Variants in TAF5L observed in about 807,000 individuals in gnomAD.
TAF5L encodes TATA-box binding protein associated factor 5 like, also known as TAF5-like RNA polymerase II p300/CBP-associated factor-associated factor 65 kDa subunit 5L.
Under a neutral mutation model 51.3 loss-of-function variants are expected in TAF5L, and 7 were observed. The ratio of observed to expected loss-of-function variants is 0.14; its 90% CI spans 0.08 to 0.26. The LOEUF (loss-of-function observed/expected upper bound fraction) is 0.26. TAF5L is among the 10% of genes least tolerant of loss of function. The pLI is 1.00. For synonymous variants in TAF5L, 291 were observed against 308.1 expected, an observed-to-expected ratio of 0.94 and a Z score of 0.58; for missense variants, 575 against 758.9, an observed-to-expected ratio of 0.76 and a Z score of 2.85.
At chr1:229,607,498 C>G (rs1323705251) in intron 3 of TAF5L, 1 of 983,152 alleles carries the variant, frequency 1.0e-6, no homozygotes, top group Non-Finnish European at 1.2e-6. Flanking sequence ...CCAAATTACT[C>G]CTCTTCCTCC....
Position 229,593,978 on chromosome 1 carries a change from C to A in TAF5L, c.*319G>T, listed in dbSNP as rs1372701916. The A allele has an allele frequency of 3.0e-5, 8 of 271,096 alleles. No individual in the cohort carries two copies. In the Admixed American group the frequency reaches 4.0e-4, roughly 14 times the overall value. 16.8% of individuals were successfully genotyped at this position (271,096 alleles called of 1,614,324 possible). A position where few individuals can be genotyped will look rare whatever the true frequency, so the allele number is the denominator to read the frequency against. Reference sequence around the variant, plus strand: ...GCCGCCCTCTAACCAAACCTAGCCCCAGTCAGATGGTGAAAATGAGAGACA... The same window carrying A: ...GCCGCCCTCTAACCAAACCTAGCCCAAGTCAGATGGTGAAAATGAGAGACA... On this transcript the variant is annotated 3_prime_UTR_variant, in exon 5 of 5. Coordinates refer to ENST00000258281, the Ensembl canonical transcript of TAF5L.
chr1:229,615,068 C>A (rs942989493), intron 1 of TAF5L, among the ~76,000 whole-genome samples: 10 of 152,154 alleles, frequency 6.6e-5, no homozygotes, highest in African/African-American at 2.4e-4. Context: ...AATGTGTTTT[C>A]ATTTTATTTT....
At chr1:229,616,796 ATG>A (rs1665019094) in intron 1 of TAF5L, among the ~76,000 whole-genome samples, 1 of 152,220 alleles carries the variant, frequency 6.6e-6, no homozygotes, top group Admixed American at 6.5e-5. Flanking sequence ...TAAATATAAA[ATG>A]TTAGGACATT....
At chr1:229,624,237 A>G (rs553596009) in intron 1 of TAF5L, among the ~76,000 whole-genome samples, 42 of 152,366 alleles carry the variant, frequency 2.8e-4, no homozygotes, top group African/African-American at 9.9e-4. Context: ...TAAGCCTCAC[A>G]TTTACAGGCA....
In TAF5L at chr1:229,596,597, C is replaced by T. The variant is rs545956310; in HGVS notation, c.973-1503G>A. Among the ~76,000 whole-genome samples, 5 of 152,282 alleles carry T rather than the reference C, an allele frequency of 3.3e-5. No homozygotes were observed. In the East Asian group the frequency reaches 9.6e-4, roughly 29 times the overall value. Reference sequence around the variant, plus strand: ...CTTCGAAATAATTTCCTGTGTGTGACGACAGAAAAGACGGCAACTAATGGT... The same window carrying T: ...CTTCGAAATAATTTCCTGTGTGTGATGACAGAAAAGACGGCAACTAATGGT... On this transcript the variant is annotated intron_variant, in intron 4 of 4. Transcript: ENST00000258281.
At chr1:229,611,099 T>C (rs1664769769) in intron 2 of TAF5L, among the ~76,000 whole-genome samples, 2 of 152,038 alleles carry the variant, frequency 1.3e-5, no homozygotes, top group African/African-American at 2.4e-5. Flanking sequence ...TGTCTTTTCG[T>C]CTTTCTTCTT....
chr1:229,606,816 TC>T, intron 3 of TAF5L: 1 of 985,400 alleles, frequency 1.0e-6, no homozygotes, highest in Non-Finnish European at 1.2e-6. Context: ...CCACTACACC[TC>T]CTGAAGAATA....
At chr1:229,617,129 G>C (rs1665033204) in intron 1 of TAF5L, among the ~76,000 whole-genome samples, 1 of 152,138 alleles carries the variant, frequency 6.6e-6, no homozygotes, top group East Asian at 1.9e-4. Context: ...TACTCTGAGA[G>C]TGGGGTCCCT....
intron 2 of TAF5L, among the ~76,000 whole-genome samples, chr1:229,613,653 G>T (rs1338462485): frequency 2.0e-5 from 3 of 152,202 alleles, no homozygotes; most frequent in Non-Finnish European, 4.4e-5. Context: ...GTCTGTAGAT[G>T]TAACCTGCTA....
intron 1 of TAF5L, among the ~76,000 whole-genome samples, chr1:229,617,882 C>A (rs1250322675): frequency 6.6e-6 from 1 of 152,122 alleles, no homozygotes; most frequent in African/African-American, 2.4e-5. Flanking sequence ...ATGATAAGGG[C>A]GCTTCCCTGA....
intron 1 of TAF5L, among the ~76,000 whole-genome samples, chr1:229,620,485 C>A (rs1665163082): frequency 6.6e-6 from 1 of 152,196 alleles, no homozygotes; most frequent in African/African-American, 2.4e-5. Flanking sequence ...GCCTAAATCA[C>A]CCCAACCCTC....
intron 1 of TAF5L, among the ~76,000 whole-genome samples, chr1:229,620,958 G>GTC (rs1665179586): frequency 1.8e-5 from 1 of 56,858 alleles, no homozygotes. Context: ...AAACATTTAT[G>GTC]TGTGTGTGTG....
chr1:229,599,672 A>T (rs1044542662), intron 4 of TAF5L: 2 of 270,644 alleles, frequency 7.4e-6, no homozygotes, highest in Non-Finnish European at 1.1e-5. Flanking sequence ...CATTTTATTT[A>T]TTCATTCATC....
At chr1:229,601,410 G>A (rs1216055644) in intron 4 of TAF5L, 2 of 985,230 alleles carry the variant, frequency 2.0e-6, no homozygotes, top group African/African-American at 3.5e-5. Context: ...AGCTTTTTCA[G>A]GACCACTCTA....
At chr1:229,613,962 C>T (rs1050518737) in intron 2 of TAF5L, among the ~76,000 whole-genome samples, 1 of 152,164 alleles carries the variant, frequency 6.6e-6, no homozygotes, top group Non-Finnish European at 1.5e-5. Context: ...AGGCTCCATG[C>T]TGGAGGAGAG....
intron 2 of TAF5L, among the ~76,000 whole-genome samples, chr1:229,610,587 C>G (rs1165375988): frequency 6.6e-6 from 1 of 152,122 alleles, no homozygotes; most frequent in East Asian, 1.9e-4. Flanking sequence ...CTTAGTGGGC[C>G]CTTTCAATCT....
Position 229,625,585 on chromosome 1 carries a change from C to A in TAF5L, c.-4+300G>T, listed in dbSNP as rs1019857832. 6.6e-6 allele frequency among the ~76,000 whole-genome samples: 1 copy of A among 151,986 alleles called. No individual in the cohort carries two copies. Among genetic ancestry groups the A allele is most frequent in the African/African-American group, 2.4e-5 (1 of 41,424 alleles). On this transcript the variant is annotated intron_variant, in intron 1 of 4. Transcript: ENST00000258281. This position sits in a 1 kb window ranked among gnomAD's most constrained non-coding sequence, Gnocchi z 4.0. The stretch of plus-strand genomic sequence containing the variant: ...CTCCTCCCCGAGCCCGGCATCCAAC[C>A]CGCAGGACCCACCCCTGCGCAGGAA...
chr1:229,606,167 T>C, intron 3 of TAF5L: 1 of 985,442 alleles, frequency 1.0e-6, no homozygotes, highest in Non-Finnish European at 1.2e-6. Flanking sequence ...GCTTAATTGC[T>C]CTCTCTTGTC....
At chr1:229,608,335 G>A (rs1414045329) in intron 3 of TAF5L, among the ~76,000 whole-genome samples, 1 of 152,066 alleles carries the variant, frequency 6.6e-6, no homozygotes, top group African/African-American at 2.4e-5. Context: ...AGAATAGTCT[G>A]TTTAATAGTT....
Sources: allele counts gnomAD v4.1 joint callset (sites outside exome capture counted in the v4.1 genomes callset), GRCh38; gene constraint gnomAD v4.1.1; non-coding constraint Gnocchi (gnomAD v3.1); transcripts MANE v1.5; gene names NCBI Gene and HGNC (gene_info 2026-07-23, HGNC 2026-07-21).